EPB41L3: variants seen among roughly 807,000 people sequenced by gnomAD.
EPB41L3 encodes band 4.1-like protein 3.
In EPB41L3, 57 loss-of-function variants were observed where a neutral mutation model predicts 127.1. The ratio of observed to expected loss-of-function variants is 0.45; its 90% CI spans 0.36 to 0.56. The LOEUF (loss-of-function observed/expected upper bound fraction) is 0.56. Ranked by LOEUF, EPB41L3 falls within the 20% of genes least tolerant of loss-of-function variation. The pLI, the probability that EPB41L3 is intolerant of heterozygous loss-of-function variation, is 0.00. For synonymous variants in EPB41L3, 572 were observed against 549.5 expected (o/e 1.04, Z -0.57); for missense variants, 1,273 against 1,372.2 (o/e 0.93, Z 1.14).
chr18:5,619,565 T>G (rs1225115233), intron 1 of EPB41L3, among the ~76,000 whole-genome samples: 1 of 152,136 alleles, frequency 6.6e-6, no homozygotes, highest in African/African-American at 2.4e-5. Context: ...CAGGTCAGAG[T>G]CAGGCAGGAA....
intron 3 of EPB41L3, among the ~76,000 whole-genome samples, chr18:5,470,850 C>A (rs1472950094): frequency 6.6e-6 from 1 of 152,132 alleles, no homozygotes; most frequent in East Asian, 1.9e-4. Flanking sequence ...TCATGGGGCA[C>A]CAGATAAACC....
At chr18:5,492,448 T>C (rs1180564600) in intron 1 of EPB41L3, among the ~76,000 whole-genome samples, 1 of 121,928 alleles carries the variant, frequency 8.2e-6, no homozygotes, top group Non-Finnish European at 1.5e-5. Context: ...TTTCAAGATA[T>C]TTACATTGCT....
chr18:5,553,477 A>G (rs779186649), intron 3 of EPB41L3, among the ~76,000 whole-genome samples: 1 of 152,196 alleles, frequency 6.6e-6, no homozygotes, highest in Non-Finnish European at 1.5e-5. Context: ...ACAATTACAT[A>G]AGGTTCCCTT....
At chr18:5,527,010 TAA>T (rs33920388) in intron 1 of EPB41L3, among the ~76,000 whole-genome samples, 2,514 of 139,676 alleles carry the variant, frequency 0.018, 52 homozygotes, top group African/African-American at 0.057. Context: ...ATTCATTGGT[TAA>T]AAAAAAAAAA....
chr18:5,476,516 C>T (rs1388095914), intron 3 of EPB41L3, among the ~76,000 whole-genome samples: 2 of 152,182 alleles, frequency 1.3e-5, no homozygotes, highest in Admixed American at 6.5e-5. Flanking sequence ...AGCCCTAAGG[C>T]ATTATCCTCT....
chr18:5,538,713 C>T (rs1194360597), intron 1 of EPB41L3, among the ~76,000 whole-genome samples: 1 of 152,182 alleles, frequency 6.6e-6, no homozygotes, highest in Non-Finnish European at 1.5e-5. Context: ...AGGACACCCT[C>T]CACACTGATG....
In EPB41L3 at chr18:5,415,903, G is replaced by A; in HGVS notation, c.1982C>T (p.Ala661Val). 1.2e-6 allele frequency: 2 copies of A among 1,613,988 alleles called. No homozygotes were observed. Among genetic ancestry groups the A allele is most frequent in the Admixed American group, 1.7e-5 (1 of 60,022 alleles). ...PYALTLSFPL[A>V]LCLCYLEPKA... is the part of the protein sequence containing the mutation. ...GGGCTCCAGGTAGCAGAGGCACAGA[G>A]CCAGAGGGAAGGAGAGAGTGAGAGC... The change falls in exon 13 of 23, where the codon GCT (alanine) becomes GTT (valine). Residue 661 changes from alanine (A) to valine (V), a missense_variant. Ala to Val is a moderately conservative substitution (Grantham distance 64). This residue lies in a region of EPB41L3 where 765 missense variants were observed against 782.9 expected (regional missense o/e 0.98). Coordinates refer to ENST00000341928, the MANE Select transcript of EPB41L3 (RefSeq NM_012307.5).
chr18:5,395,802 A>G (rs1331545652), intron 19 of EPB41L3, 95 bp from the exon 20 acceptor site: 3 of 890,180 alleles, frequency 3.4e-6, no homozygotes, highest in Non-Finnish European at 3.7e-6. Context: ...CAATTTCACT[A>G]TCTCCTATTA....
chr18:5,485,106 G>A (rs944737283), intron 2 of EPB41L3, among the ~76,000 whole-genome samples: 2 of 151,754 alleles, frequency 1.3e-5, no homozygotes, highest in Non-Finnish European at 1.5e-5. Context: ...CTAGCAAACC[G>A]AATTCAACAA....
chr18:5,516,923 TCA>T (rs770238987), intron 1 of EPB41L3, among the ~76,000 whole-genome samples: 9 of 152,308 alleles, frequency 5.9e-5, no homozygotes, highest in Non-Finnish European at 7.3e-5. Context: ...GTATTATAAA[TCA>T]CAGTTAAGTT....
At chr18:5,463,744 G>A (rs1159973335) in intron 3 of EPB41L3, 1 of 152,210 alleles carries the variant, frequency 6.6e-6, no homozygotes, top group South Asian at 2.1e-4. Flanking sequence ...TCTCCATGAG[G>A]ATGCAGTCAG....
chr18:5,523,637 T>C (rs558667648), intron 1 of EPB41L3, among the ~76,000 whole-genome samples: 2 of 152,082 alleles, frequency 1.3e-5, no homozygotes, highest in South Asian at 2.1e-4. Context: ...AATACAAAAT[T>C]AGCCAGGCAT....
intron 9 of EPB41L3, among the ~76,000 whole-genome samples, chr18:5,427,359 T>C (rs2078333480): frequency 6.6e-6 from 1 of 152,218 alleles, no homozygotes; most frequent in South Asian, 2.1e-4. Context: ...TTATTAACTA[T>C]CTCTTAAGTA....
chr18:5,411,766 C>T (rs1311651999), intron 13 of EPB41L3, among the ~76,000 whole-genome samples: 1 of 152,094 alleles, frequency 6.6e-6, no homozygotes, highest in Non-Finnish European at 1.5e-5. Context: ...GAAGGGGCAA[C>T]TGGGACAGTG....
At chr18:5,415,594 G>A (rs1231376859) in intron 13 of EPB41L3, among the ~76,000 whole-genome samples, 2 of 152,214 alleles carry the variant, frequency 1.3e-5, no homozygotes, top group African/African-American at 4.8e-5. Context: ...TCAGTGGGTA[G>A]CAGAACGATT....
intron 3 of EPB41L3, among the ~76,000 whole-genome samples, chr18:5,550,993 A>G (rs1049274724): frequency 7.2e-5 from 11 of 152,224 alleles, no homozygotes; most frequent in African/African-American, 2.7e-4. Flanking sequence ...GCTTAGATTT[A>G]TACAAGTCCT....
chr18:5,607,385 G>C (rs182334889), intron 3 of EPB41L3, among the ~76,000 whole-genome samples: 9 of 152,306 alleles, frequency 5.9e-5, no homozygotes, highest in Non-Finnish European at 1.3e-4. Flanking sequence ...GGCTCTATGA[G>C]TGTCTACACT....
Position 5,489,039 on chromosome 18 carries a change from C to T in EPB41L3, c.145G>A (p.Ala49Thr). ...GGGGTGCTGTGCGCTGCAGCGGCGG[C>T]GAACTGCTCCAGGGCCTGCTGCTGC... ...EEQQQALEQFAAAAAHSTPVR... is the reference protein window; with the variant it reads ...EEQQQALEQFTAAAAHSTPVR... Residue 49 changes from alanine (A) to threonine (T), a missense_variant, in exon 2 of 23, where the codon GCC becomes ACC. By Grantham distance (58) the Ala-to-Thr change is moderately conservative (BLOSUM62 0). This residue lies in a region of EPB41L3 where 182 missense variants were observed against 149.2 expected (regional missense o/e 1.22). Coordinates refer to ENST00000341928, the MANE Select transcript of EPB41L3 (RefSeq NM_012307.5). 6.3e-7 allele frequency: 1 copy of T among 1,591,926 alleles called. No individual in the cohort carries two copies. Among genetic ancestry groups the T allele is most frequent in the Non-Finnish European group, 8.5e-7 (1 of 1,175,802 alleles).
At chr18:5,536,755 C>T (rs749044348) in intron 1 of EPB41L3, among the ~76,000 whole-genome samples, 1 of 151,932 alleles carries the variant, frequency 6.6e-6, no homozygotes, top group Non-Finnish European at 1.5e-5. Context: ...CACTTGAACC[C>T]GGGAGGCAGA....
Sources: gnomAD v4.1 joint callset for allele counts (sites outside exome capture counted in the v4.1 genomes callset) on GRCh38, gnomAD v4.1.1 for gene constraint, gnomAD v4.1.1 regional missense constraint, MANE v1.5 for transcripts, NCBI Gene and HGNC (gene_info 2026-07-23, HGNC 2026-07-21) for gene names.